EYS: variants seen among roughly 807,000 people sequenced by gnomAD.
EYS encodes protein eyes shut homolog.
EYS carries 250 observed loss-of-function variants against 282.1 expected under a neutral mutation model. The observed-to-expected ratio is 0.89, with a 90% CI of 0.80 to 0.98. The LOEUF is 0.98. Among genes scored for constraint, EYS ranks in the 50% least tolerant of loss-of-function variants. The pLI is 0.00. For synonymous variants in EYS, 1,355 were observed against 1,282.9 expected (o/e 1.06, Z -1.20); for missense variants, 4,016 against 3,709.0 (o/e 1.08, Z -2.15).
At chr6:64,540,037 TACATATC>T (rs1191054670) in intron 26 of EYS, among the ~76,000 whole-genome samples, 1 of 152,196 alleles carries the variant, frequency 6.6e-6, no homozygotes, top group Non-Finnish European at 1.5e-5. Flanking sequence ...AAGCTGCTGC[TACATATC>T]AAAGAGCCTG....
chr6:63,905,704 A>G (rs747010247), intron 35 of EYS, among the ~76,000 whole-genome samples: 2 of 152,152 alleles, frequency 1.3e-5, no homozygotes, highest in Non-Finnish European at 2.9e-5. Context: ...ATGGTACTGT[A>G]TTGTGTTAAA....
intron 29 of EYS, among the ~76,000 whole-genome samples, chr6:64,336,214 A>G (rs755616115): frequency 6.6e-6 from 1 of 152,180 alleles, no homozygotes; most frequent in Non-Finnish European, 1.5e-5. Context: ...GAACTCACCA[A>G]ACAACTACCT....
intron 9 of EYS, among the ~76,000 whole-genome samples, chr6:65,346,952 T>C (rs983198365): frequency 3.3e-5 from 5 of 151,888 alleles, no homozygotes; most frequent in Non-Finnish European, 5.9e-5. Context: ...TCTACATTCA[T>C]TTCCATATTT....
intron 12 of EYS, among the ~76,000 whole-genome samples, chr6:65,235,621 T>C (rs1766902743): frequency 6.6e-6 from 1 of 152,182 alleles, no homozygotes; most frequent in Non-Finnish European, 1.5e-5. Flanking sequence ...TTTGCCACTC[T>C]GAACAAGTCG....
intron 31 of EYS, among the ~76,000 whole-genome samples, chr6:64,196,742 G>T (rs35498750): frequency 0.29 from 40,588 of 139,146 alleles, 6,093 homozygotes; most frequent in East Asian, 0.49. Context: ...TGGGGACTGT[G>T]GTGGGGTGGA....
chr6:63,762,385 A>T, intron 41 of EYS, 76 bp downstream of exon 41: 1 of 1,402,824 alleles, frequency 7.1e-7, no homozygotes. Flanking sequence ...TTACTTCTCA[A>T]AAAGAAAACT....
At chr6:65,044,409 C>T (rs1451710022) in intron 13 of EYS, among the ~76,000 whole-genome samples, 2 of 151,538 alleles carry the variant, frequency 1.3e-5, no homozygotes, top group East Asian at 3.9e-4. Context: ...CTAATTTTGC[C>T]TTTGTTGCCT....
chr6:64,393,478 C>T (rs1446476235), intron 28 of EYS, among the ~76,000 whole-genome samples: 1 of 152,114 alleles, frequency 6.6e-6, no homozygotes, highest in African/African-American at 2.4e-5. Context: ...TGGTTCAACA[C>T]ATGCAAATCA....
intron 7 of EYS, among the ~76,000 whole-genome samples, chr6:65,386,321 G>T (rs1365848230): frequency 6.6e-6 from 1 of 151,954 alleles, no homozygotes; most frequent in East Asian, 1.9e-4. Flanking sequence ...TTAATACCTG[G>T]ATGATAAAAT....
At chr6:64,665,645 TG>T (rs1769205382) in intron 22 of EYS, among the ~76,000 whole-genome samples, 1 of 152,246 alleles carries the variant, frequency 6.6e-6, no homozygotes, top group Non-Finnish European at 1.5e-5. Context: ...ATTATTATAC[TG>T]GTATAAAAAG....
At chr6:64,688,841 A>T (rs571796835) in intron 22 of EYS, among the ~76,000 whole-genome samples, 2 of 152,120 alleles carry the variant, frequency 1.3e-5, no homozygotes, top group Non-Finnish European at 2.9e-5. Flanking sequence ...ATCTCCCATT[A>T]TGACAAACCC....
intron 2 of EYS, among the ~76,000 whole-genome samples, chr6:65,575,981 G>A (rs79806992): frequency 0.036 from 5,527 of 152,108 alleles, 262 homozygotes; most frequent in African/African-American, 0.11. Flanking sequence ...TCCAAGACTT[G>A]ATGGTTTCAG....
intron 29 of EYS, among the ~76,000 whole-genome samples, chr6:64,375,558 G>A (rs112021624): frequency 1.2e-3 from 180 of 152,228 alleles, no homozygotes; most frequent in African/African-American, 4.0e-3. Flanking sequence ...GAGGGTGTGG[G>A]GTAGGAGATA....
At chr6:64,831,434 A>G (rs1765213123) in intron 19 of EYS, among the ~76,000 whole-genome samples, 1 of 151,986 alleles carries the variant, frequency 6.6e-6, no homozygotes, top group Non-Finnish European at 1.5e-5. Flanking sequence ...CTGTTTTCAG[A>G]AGCTCTCCAA....
intron 2 of EYS, among the ~76,000 whole-genome samples, chr6:65,618,880 T>C (rs1766339448): frequency 6.6e-6 from 1 of 152,162 alleles, no homozygotes; most frequent in Non-Finnish European, 1.5e-5. Flanking sequence ...CGGCATTATT[T>C]CTGAGGGCTC....
chr6:64,986,209 A>G (rs1393981204), intron 14 of EYS, among the ~76,000 whole-genome samples: 1 of 151,574 alleles, frequency 6.6e-6, no homozygotes, highest in Non-Finnish European at 1.5e-5. Flanking sequence ...AGAAAAAAAG[A>G]AAAACTTTTA....
chr6:63,870,532 AT>A (rs961822914), intron 35 of EYS, among the ~76,000 whole-genome samples: 11 of 151,960 alleles, frequency 7.2e-5, no homozygotes, highest in Admixed American at 4.6e-4. Context: ...TGAGAATTTA[AT>A]TTTTTTTGCA....
intron 5 of EYS, among the ~76,000 whole-genome samples, chr6:65,451,466 A>G (rs9351496): frequency 2.0e-5 from 3 of 151,924 alleles, no homozygotes; most frequent in Non-Finnish European, 2.9e-5. Context: ...TCTTCTTTCA[A>G]TGTAAATGCT....
At chr6:65,156,385 T>C (rs1029360133) in intron 12 of EYS, among the ~76,000 whole-genome samples, 15 of 151,174 alleles carry the variant, frequency 9.9e-5, no homozygotes, top group African/African-American at 3.4e-4. Context: ...GATATATGAC[T>C]ATAAATTATA....
Sources: allele counts gnomAD v4.1 joint callset (sites outside exome capture counted in the v4.1 genomes callset), GRCh38; gene constraint gnomAD v4.1.1; transcripts MANE v1.5; gene names NCBI Gene and HGNC (gene_info 2026-07-23, HGNC 2026-07-21).